The following IL15 variants were observed in gnomAD, a reference collection of about 807,000 sequenced individuals.
IL15 encodes the protein interleukin 15, also known as interleukin-15.
Under a neutral mutation model 19.6 loss-of-function variants are expected in IL15, and 11 were observed. That is an observed-to-expected ratio of 0.56 (90% CI 0.35 to 0.93). IL15 has a LOEUF of 0.93. IL15 is among the 40% of genes least tolerant of loss of function. The pLI, the probability that IL15 is intolerant of heterozygous loss-of-function variation, is 0.01. For missense variants in IL15, 197 were observed against 186.5 expected (o/e 1.06, Z -0.33); for synonymous variants, 58 against 59.6 (o/e 0.97, Z 0.12).
At chr4:141,670,792 C>T (rs1246574340) in intron 2 of IL15, among the ~76,000 whole-genome samples, 3 of 152,068 alleles carry the variant, frequency 2.0e-5, no homozygotes, top group African/African-American at 7.2e-5. Flanking sequence ...GTCGAAGTTC[C>T]AGTACCTTTA....
chr4:141,695,697 A>G (rs532715690), intron 2 of IL15, among the ~76,000 whole-genome samples: 1 of 152,276 alleles, frequency 6.6e-6, no homozygotes, highest in East Asian at 1.9e-4. Flanking sequence ...TCTAACCAAC[A>G]GTGCATAAGT....
At chr4:141,674,592 T>TAA (rs896108383) in intron 2 of IL15, among the ~76,000 whole-genome samples, 5 of 143,302 alleles carry the variant, frequency 3.5e-5, no homozygotes, top group Non-Finnish European at 7.7e-5. Context: ...CTCAAAAAAA[T>TAA]AAAAAAAAAA....
At chr4:141,638,922 T>A (rs1726951666) in intron 1 of IL15, among the ~76,000 whole-genome samples, 1 of 152,226 alleles carries the variant, frequency 6.6e-6, no homozygotes, top group South Asian at 2.1e-4. Flanking sequence ...TCATCTCTCC[T>A]GGAGTTTAAT....
intron 2 of IL15, among the ~76,000 whole-genome samples, chr4:141,672,181 TTGTC>T (rs982120124): frequency 6.6e-5 from 10 of 152,340 alleles, no homozygotes; most frequent in East Asian, 5.8e-4. Context: ...AGTGAAGGAT[TTGTC>T]TGTCTGTGAA....
rs2048495338 is a variant in IL15 at position 141,729,974 on chromosome 4, C to G, written c.368C>G (p.Ser123Cys). ...ATCATCCTAGCAAACAACAGTTTGT[C>G]TTCTAATGGGGTGAGTTTTCCAACA... ...NLIILANNSL[S>C]SNGNVTESGC... The change falls in exon 7 of 8, where the codon TCT becomes TGT. Residue 123 changes from serine to cysteine, a missense_variant. Physicochemically the swap from Ser to Cys is moderately radical, Grantham distance 112. Transcript: ENST00000320650. 1 of 1,609,252 alleles carries G rather than the reference C, an allele frequency of 6.2e-7. No individual in the cohort carries two copies. Among genetic ancestry groups the G allele is most frequent in the Non-Finnish European group, 8.5e-7 (1 of 1,176,044 alleles).
intron 2 of IL15, among the ~76,000 whole-genome samples, chr4:141,680,824 C>T (rs1006898140): frequency 6.6e-6 from 1 of 152,120 alleles, no homozygotes; most frequent in African/African-American, 2.4e-5. Flanking sequence ...TCAAAATGTT[C>T]TTTATATTCA....
intron 1 of IL15, among the ~76,000 whole-genome samples, chr4:141,652,017 C>T (rs1727423575): frequency 6.6e-6 from 1 of 152,018 alleles, no homozygotes; most frequent in Admixed American, 6.6e-5. Flanking sequence ...ATCTGTAATC[C>T]CACAGAAGGG....
chr4:141,640,953 G>A (rs907814096), intron 1 of IL15, among the ~76,000 whole-genome samples: 1 of 152,172 alleles, frequency 6.6e-6, no homozygotes, highest in Non-Finnish European at 1.5e-5. Context: ...TGATGGCGGT[G>A]GTGGTGGGGG....
chr4:141,685,367 C>G (rs1003594604), intron 2 of IL15, among the ~76,000 whole-genome samples: 3 of 152,034 alleles, frequency 2.0e-5, no homozygotes, highest in Non-Finnish European at 4.4e-5. Flanking sequence ...ATGTATGAAA[C>G]AAGTACACAA....
At chr4:141,683,107 A>G (rs1728590861) in intron 2 of IL15, among the ~76,000 whole-genome samples, 2 of 151,734 alleles carry the variant, frequency 1.3e-5, no homozygotes, top group African/African-American at 4.8e-5. Context: ...CGTTTCTACT[A>G]AAAATACAAA....
intron 2 of IL15, among the ~76,000 whole-genome samples, chr4:141,658,180 C>A (rs1453703730): frequency 6.6e-6 from 1 of 152,092 alleles, no homozygotes; most frequent in Non-Finnish European, 1.5e-5. Flanking sequence ...TGTAGCACCT[C>A]CCCCTGCTCT....
intron 2 of IL15, among the ~76,000 whole-genome samples, chr4:141,707,160 A>T (rs967618306): frequency 3.9e-5 from 6 of 152,108 alleles, no homozygotes; most frequent in Admixed American, 1.3e-4. Context: ...TTTCTAGTTC[A>T]GAAATTCCTT....
chr4:141,731,124 G>A (rs931409158), intron 7 of IL15, among the ~76,000 whole-genome samples: 2 of 152,142 alleles, frequency 1.3e-5, no homozygotes, highest in Non-Finnish European at 2.9e-5. Context: ...CTAAGCTTGT[G>A]TGGGTGGACA....
chr4:141,648,707 C>T (rs1727308522), intron 1 of IL15, among the ~76,000 whole-genome samples: 1 of 152,036 alleles, frequency 6.6e-6, no homozygotes, highest in Admixed American at 6.6e-5. Flanking sequence ...TAAAGAACCT[C>T]TAAAACTGGA....
At chr4:141,671,101 A>G (rs1300322818) in intron 2 of IL15, among the ~76,000 whole-genome samples, 2 of 152,172 alleles carry the variant, frequency 1.3e-5, no homozygotes, top group African/African-American at 2.4e-5. Context: ...ATAGCCTTCT[A>G]TATGCTAGTC....
chr4:141,707,530 A>G (rs1729561460), intron 2 of IL15, among the ~76,000 whole-genome samples: 1 of 151,988 alleles, frequency 6.6e-6, no homozygotes, highest in Admixed American at 6.6e-5. Context: ...TTCCAATTTT[A>G]TGGAGTAGCT....
chr4:141,681,620 A>G (rs1728535270), intron 2 of IL15, among the ~76,000 whole-genome samples: 1 of 152,210 alleles, frequency 6.6e-6, no homozygotes, highest in Non-Finnish European at 1.5e-5. Flanking sequence ...GAGGGAATTT[A>G]AAGTGAAATA....
At chr4:141,708,707 C>T (rs531591987) in intron 2 of IL15, among the ~76,000 whole-genome samples, 3 of 152,126 alleles carry the variant, frequency 2.0e-5, no homozygotes, top group Admixed American at 6.5e-5. Context: ...GTGCTATTCT[C>T]GCCTTCTGTG....
intron 6 of IL15, among the ~76,000 whole-genome samples, chr4:141,729,218 A>G (rs1170478741): frequency 6.6e-6 from 1 of 152,114 alleles, no homozygotes; most frequent in African/African-American, 2.4e-5. Context: ...TCGAGGACAC[A>G]AAGTCAAATA....
Sources: gnomAD v4.1 joint callset for allele counts (sites outside exome capture counted in the v4.1 genomes callset) on GRCh38, gnomAD v4.1.1 for gene constraint, MANE v1.5 for transcripts, NCBI Gene and HGNC (gene_info 2026-07-23, HGNC 2026-07-21) for gene names.